GRIN2A: variants seen among roughly 807,000 people sequenced by gnomAD.
GRIN2A encodes the protein glutamate receptor ionotropic, NMDA 2A.
In GRIN2A, 22 loss-of-function variants were observed where a neutral mutation model predicts 113.4. The ratio of observed to expected loss-of-function variants is 0.19; its 90% CI spans 0.14 to 0.28. The LOEUF (loss-of-function observed/expected upper bound fraction) is 0.28, where lower values mean the gene tolerates loss of function less well. GRIN2A is among the 10% of genes least tolerant of loss of function. The pLI, the probability that GRIN2A is intolerant of heterozygous loss-of-function variation, is 1.00. For missense variants in GRIN2A, 1,502 were observed against 1,887.0 expected (o/e 0.80, Z 3.78); for synonymous variants, 827 against 738.4 (o/e 1.12, Z -1.94).
At chr16:10,176,078 T>A (rs1261832323) in intron 2 of GRIN2A, among the ~76,000 whole-genome samples, 1 of 151,560 alleles carries the variant, frequency 6.6e-6, no homozygotes, top group South Asian at 2.1e-4. Context: ...GATGTTGGCT[T>A]GCTGCAACCT....
chr16:10,170,603 C>T (rs1316708539), intron 2 of GRIN2A, among the ~76,000 whole-genome samples: 1 of 152,076 alleles, frequency 6.6e-6, no homozygotes, highest in East Asian at 1.9e-4. Context: ...GGGCTGGGGA[C>T]GGTGGCTTAT....
intron 11 of GRIN2A, among the ~76,000 whole-genome samples, chr16:9,780,523 T>C (rs1205578380): frequency 1.3e-5 from 2 of 152,230 alleles, no homozygotes; most frequent in South Asian, 2.1e-4. Flanking sequence ...AACCACCCCA[T>C]GGTCATGGAG....
Position 10,011,234 on chromosome 16 carries a change from A to G in GRIN2A, c.415-72683T>C, listed in dbSNP as rs369560623. On this transcript the variant is annotated intron_variant, in intron 2 of 12. Transcript: ENST00000330684. The stretch of plus-strand genomic sequence containing the variant: ...AAACTAAGTTTTTAATGCTAAGATT[A>G]TCTTCCCAGGTGTTTACATTAGAAA... 2.0e-5 allele frequency among the ~76,000 whole-genome samples: 3 copies of G among 152,232 alleles called. No homozygotes were observed. In the South Asian group the frequency reaches 6.2e-4, roughly 32 times the overall value.
intron 2 of GRIN2A, among the ~76,000 whole-genome samples, chr16:10,075,303 C>G (rs1366078831): frequency 6.6e-6 from 1 of 151,880 alleles, no homozygotes; most frequent in Non-Finnish European, 1.5e-5. Context: ...GAAACTGAGC[C>G]CTAGAGAAAT....
intron 2 of GRIN2A, among the ~76,000 whole-genome samples, chr16:9,964,631 C>G (rs963748165): frequency 6.6e-6 from 1 of 152,202 alleles, no homozygotes; most frequent in Non-Finnish European, 1.5e-5. Context: ...TGCCCACATT[C>G]CTCGGCTTAT....
intron 2 of GRIN2A, among the ~76,000 whole-genome samples, chr16:9,969,724 G>T (rs2045633297): frequency 6.6e-6 from 1 of 152,212 alleles, no homozygotes; most frequent in Admixed American, 6.5e-5. Context: ...GCATTTAGCT[G>T]TCACAGCTAG....
At chr16:10,076,972 C>A (rs1012997292) in intron 2 of GRIN2A, among the ~76,000 whole-genome samples, 8 of 152,186 alleles carry the variant, frequency 5.3e-5, no homozygotes, top group African/African-American at 1.7e-4. Context: ...TCCTGGATGA[C>A]CTGCGTGGGG....
chr16:10,063,128 A>G (rs2047579821), intron 2 of GRIN2A, among the ~76,000 whole-genome samples: 1 of 152,176 alleles, frequency 6.6e-6, no homozygotes, highest in Non-Finnish European at 1.5e-5. Flanking sequence ...CAGGAACAGA[A>G]AAACAAATAC....
rs1315745570 is a variant in GRIN2A, at chr16:9,797,339, G to A, written c.2356+938C>T. On this transcript the variant is annotated intron_variant, in intron 11 of 12. Coordinates refer to ENST00000330684, the MANE Select transcript of GRIN2A (RefSeq NM_001134407.3). Reference sequence around the variant, plus strand: ...TTGCTTTTCCTATTTCCTCCGTGTTGGCAATTGAAAGGAAACCAACCTGCC... The same window carrying A: ...TTGCTTTTCCTATTTCCTCCGTGTTAGCAATTGAAAGGAAACCAACCTGCC... 3.3e-5 allele frequency among the ~76,000 whole-genome samples: 5 copies of A among 152,248 alleles called. No homozygotes were observed. In the East Asian group the frequency reaches 5.8e-4, roughly 18 times the overall value.
At chr16:9,906,125 C>T (rs1219786083) in intron 3 of GRIN2A, among the ~76,000 whole-genome samples, 1 of 152,196 alleles carries the variant, frequency 6.6e-6, no homozygotes, top group Non-Finnish European at 1.5e-5. Flanking sequence ...ATTTCATCCT[C>T]CATACTCATA....
At chr16:10,030,273 G>A (rs886185131) in intron 2 of GRIN2A, among the ~76,000 whole-genome samples, 3 of 151,954 alleles carry the variant, frequency 2.0e-5, no homozygotes, top group East Asian at 3.9e-4. Context: ...CAATATTACT[G>A]TCAGTTCTGG....
intron 2 of GRIN2A, among the ~76,000 whole-genome samples, chr16:10,141,760 C>A (rs1373410759): frequency 6.6e-6 from 1 of 152,196 alleles, no homozygotes; most frequent in African/African-American, 2.4e-5. Flanking sequence ...CCTCAGGGCA[C>A]CTCTGTGAGG....
At chr16:10,157,829 T>A (rs1273426758) in intron 2 of GRIN2A, among the ~76,000 whole-genome samples, 1 of 152,148 alleles carries the variant, frequency 6.6e-6, no homozygotes, top group Non-Finnish European at 1.5e-5. Context: ...AGTAGTTTGT[T>A]ATATTTTAAT....
chr16:10,115,073 T>C lies in GRIN2A; in HGVS notation c.414+64925A>G, dbSNP rs116806721. On this transcript the variant is annotated intron_variant, in intron 2 of 12. Coordinates refer to ENST00000330684, the MANE Select transcript of GRIN2A (RefSeq NM_001134407.3). ...TTTTTTGAGTTTGCAGCCCTTGCTGTGCATGTTCCTTCCCTGCTTAAAATG... is the reference window on the plus strand; with the variant it reads ...TTTTTTGAGTTTGCAGCCCTTGCTGCGCATGTTCCTTCCCTGCTTAAAATG... Among the ~76,000 whole-genome samples the C allele has an allele frequency of 6.6e-3, 1,001 of 152,372 alleles. 13 individuals carry two copies. The highest frequency in any genetic ancestry group is 0.023 in the African/African-American group (967 of 41,596).
chr16:10,078,441 C>A (rs1189694422), intron 2 of GRIN2A, among the ~76,000 whole-genome samples: 1 of 150,856 alleles, frequency 6.6e-6, no homozygotes, highest in Non-Finnish European at 1.5e-5. Flanking sequence ...TCCAGCATGT[C>A]CTTGTGGCAG....
At chr16:9,977,430 A>G (rs1318540924) in intron 2 of GRIN2A, among the ~76,000 whole-genome samples, 1 of 152,206 alleles carries the variant, frequency 6.6e-6, no homozygotes, top group African/African-American at 2.4e-5. Flanking sequence ...AAAAAATAGT[A>G]TTACCTCACC....
chr16:9,868,329 C>T (rs541929558), intron 4 of GRIN2A, among the ~76,000 whole-genome samples: 1 of 152,242 alleles, frequency 6.6e-6, no homozygotes, highest in South Asian at 2.1e-4. Flanking sequence ...TGCAGTGGCA[C>T]TATCTCAGTT....
At chr16:9,996,497 T>C (rs1440189238) in intron 2 of GRIN2A, among the ~76,000 whole-genome samples, 1 of 152,204 alleles carries the variant, frequency 6.6e-6, no homozygotes, top group African/African-American at 2.4e-5. Context: ...AGAAAATTAA[T>C]TGCCTGAGGC....
chr16:10,040,692 C>A (rs2047149622), intron 2 of GRIN2A, among the ~76,000 whole-genome samples: 1 of 152,154 alleles, frequency 6.6e-6, no homozygotes, highest in Non-Finnish European at 1.5e-5. Context: ...CAAACCTACA[C>A]ATTCACACCA....
Sources: gnomAD v4.1 joint callset for allele counts (sites outside exome capture counted in the v4.1 genomes callset) on GRCh38, gnomAD v4.1.1 for gene constraint, MANE v1.5 for transcripts, NCBI Gene and HGNC (gene_info 2026-07-23, HGNC 2026-07-21) for gene names.